GPHN: variants seen among roughly 807,000 people sequenced by gnomAD.
The protein encoded by GPHN is gephyrin.
GPHN carries 17 observed loss-of-function variants against 95.5 expected under a neutral mutation model. The observed-to-expected ratio is 0.18, with a 90% CI of 0.12 to 0.27. The LOEUF is 0.27. GPHN is among the 10% of genes least tolerant of loss of function. GPHN has a pLI of 1.00. For missense variants in GPHN, 660 were observed against 978.1 expected (o/e 0.67, Z 4.34); for synonymous variants, 320 against 322.5 (o/e 0.99, Z 0.08).
At chr14:67,065,861 G>A (rs986629116) in intron 11 of GPHN, among the ~76,000 whole-genome samples, 1 of 150,934 alleles carries the variant, frequency 6.6e-6, no homozygotes, top group Admixed American at 6.6e-5. Context: ...CCTGAATACA[G>A]CACATTGATG....
At chr14:67,431,410 A>G in the GPHN span, among the ~76,000 whole-genome samples, 3 of 109,306 alleles carry the variant, frequency 2.7e-5, no homozygotes, top group Admixed American at 8.9e-5. Context: ...AAAAAAAAAA[A>G]AAAAAAAAAA....
At chr14:66,686,324 A>G (rs1228412672) in intron 2 of GPHN, among the ~76,000 whole-genome samples, 1 of 152,158 alleles carries the variant, frequency 6.6e-6, no homozygotes, top group Non-Finnish European at 1.5e-5. Flanking sequence ...TGAATCTATA[A>G]ATTACCTTGG....
the GPHN span, among the ~76,000 whole-genome samples, chr14:67,625,992 A>G: frequency 9.2e-5 from 14 of 151,854 alleles, no homozygotes; most frequent in Non-Finnish European, 1.6e-4. Flanking sequence ...GGCGGCTTAC[A>G]CCTGTAATCC....
At chr14:66,850,696 TA>T (rs1187750979) in intron 4 of GPHN, among the ~76,000 whole-genome samples, 1 of 152,028 alleles carries the variant, frequency 6.6e-6, no homozygotes, top group Admixed American at 6.6e-5. Context: ...GTCCCGGCAA[TA>T]AAGAATTATC....
At chr14:67,549,459 C>T in the GPHN span, among the ~76,000 whole-genome samples, 1 of 151,994 alleles carries the variant, frequency 6.6e-6, no homozygotes, top group Non-Finnish European at 1.5e-5. Flanking sequence ...TTAGTAGCGA[C>T]GGGGTTTCAC....
In GPHN at chr14:66,508,336, G is replaced by A. The variant is rs2057871050; in HGVS notation, c.-192G>A. 1 of 624,392 alleles carries A rather than the reference G, an allele frequency of 1.6e-6. No homozygotes were observed. The highest frequency in any genetic ancestry group is 2.5e-5 in the Admixed American group (1 of 39,226). The allele number at this position is 624,392 out of a possible 1,614,324, so 38.7% of individuals were successfully genotyped here. ...ACTCCTTCCCCTCCCGCGGACCCGC[G>A]CACTCCCGGCGCGGCCTCTCCCCCA... On this transcript the variant is annotated 5_prime_UTR_variant, in exon 1 of 23. Transcript: ENST00000478722.
chr14:67,493,067 A>G, the GPHN span, among the ~76,000 whole-genome samples: 1 of 152,340 alleles, frequency 6.6e-6, no homozygotes, highest in African/African-American at 2.4e-5. Context: ...CCGTGCAAAG[A>G]ACTTTGGGAA....
intron 1 of GPHN, among the ~76,000 whole-genome samples, chr14:66,512,495 G>GT (rs1485268940): frequency 2.6e-5 from 4 of 151,682 alleles, no homozygotes; most frequent in Non-Finnish European, 5.9e-5. Flanking sequence ...CACTAATAGG[G>GT]GCATGAATGA....
chr14:67,158,446 T>C (rs1056051561), intron 18 of GPHN, among the ~76,000 whole-genome samples: 3 of 152,164 alleles, frequency 2.0e-5, no homozygotes, highest in Non-Finnish European at 4.4e-5. Flanking sequence ...GGTGGCACTA[T>C]TGGCAAGGAG....
Position 66,773,993 on chromosome 14 carries a change from G to GTT in GPHN, c.144-2444_144-2443dup, listed in dbSNP as rs1172451199. Among the ~76,000 whole-genome samples the GTT allele has an allele frequency of 1.4e-3, 125 of 89,984 alleles. 2 individuals carry two copies. The highest frequency in any genetic ancestry group is 2.0e-3 in the Non-Finnish European group (100 of 50,184). The allele number at this position is 89,984 out of a possible 152,430, so 59.0% of individuals were successfully genotyped here. A position where few individuals can be genotyped will look rare whatever the true frequency, so the allele number is the denominator to read the frequency against. On this transcript the variant is annotated intron_variant, in intron 2 of 22. Coordinates refer to ENST00000478722, the MANE Select transcript of GPHN (RefSeq NM_020806.5). ...GGTAATTGAGCATCATATCTAGAAA[G>GTT]TTTTTTTTTTTTTTTTTTTTTTTTT...
chr14:67,708,015 C>T, the GPHN span, among the ~76,000 whole-genome samples: 1 of 152,160 alleles, frequency 6.6e-6, no homozygotes, highest in Non-Finnish European at 1.5e-5. Context: ...CAATTGTGTC[C>T]TGTTACAAAT....
chr14:67,144,990 A>G (rs990393742), intron 18 of GPHN, among the ~76,000 whole-genome samples: 4 of 152,164 alleles, frequency 2.6e-5, no homozygotes, highest in Non-Finnish European at 5.9e-5. Flanking sequence ...CCCCAGGTAG[A>G]GCAAATTGCC....
At chr14:67,301,937 T>G in the GPHN span, 67 of 1,573,698 alleles carry the variant, frequency 4.3e-5, 2 homozygotes, top group South Asian at 7.6e-4. Flanking sequence ...TAAATCATGC[T>G]GTTACTTAAA....
intron 1 of GPHN, among the ~76,000 whole-genome samples, chr14:66,675,395 C>T (rs8011797): frequency 0.25 from 38,364 of 152,000 alleles, 9,762 homozygotes; most frequent in African/African-American, 0.62. Context: ...CTGCCCGCCT[C>T]GGCCTCCCAA....
At chr14:66,858,559 A>G (rs1400364132) in intron 4 of GPHN, among the ~76,000 whole-genome samples, 1 of 151,954 alleles carries the variant, frequency 6.6e-6, no homozygotes, top group East Asian at 2.0e-4. Flanking sequence ...AGCCTCTGAG[A>G]CATGCTGGCT....
At chr14:67,385,632 AAT>A in the GPHN span, 1 of 151,624 alleles carries the variant, frequency 6.6e-6, no homozygotes, top group South Asian at 2.1e-4. Context: ...GCCAGGAAGA[AAT>A]ATGAATATTC....
intron 1 of GPHN, among the ~76,000 whole-genome samples, chr14:66,656,402 T>C (rs1354734281): frequency 1.3e-5 from 2 of 152,162 alleles, no homozygotes; most frequent in Admixed American, 6.5e-5. Flanking sequence ...TAGTATTTCC[T>C]TACTATCCTT....
intron 1 of GPHN, among the ~76,000 whole-genome samples, chr14:66,646,296 A>G (rs1339522157): frequency 6.6e-6 from 1 of 152,148 alleles, no homozygotes; most frequent in African/African-American, 2.4e-5. Flanking sequence ...AAAAAAGAAA[A>G]CAAAACCAGA....
chr14:67,667,637 T>C, the GPHN span, among the ~76,000 whole-genome samples: 1 of 152,126 alleles, frequency 6.6e-6, no homozygotes, highest in Non-Finnish European at 1.5e-5. Flanking sequence ...AAAAACCAAA[T>C]TCAGTAGAAA....
Sources: allele counts gnomAD v4.1 joint callset (sites outside exome capture counted in the v4.1 genomes callset), GRCh38; gene constraint gnomAD v4.1.1; transcripts MANE v1.5; gene names NCBI Gene and HGNC (gene_info 2026-07-23, HGNC 2026-07-21).